Variants in ADIPOR2 observed in about 807,000 individuals in gnomAD.
ADIPOR2 encodes adiponectin receptor 2, also known as adiponectin receptor protein 2.
ADIPOR2 carries 18 observed loss-of-function variants against 40.9 expected under a neutral mutation model. The observed-to-expected ratio is 0.44, with a 90% CI of 0.30 to 0.65. The LOEUF (loss-of-function observed/expected upper bound fraction) is 0.65, where lower values mean the gene tolerates loss of function less well. Ranked by LOEUF, ADIPOR2 falls within the 30% of genes least tolerant of loss-of-function variation. The probability of loss-of-function intolerance (pLI) is 0.09; values close to 1 mark genes in which losing one functional copy is unlikely to be tolerated. For synonymous variants in ADIPOR2, 165 were observed against 166.4 expected (o/e 0.99, Z 0.06); for missense variants, 283 against 479.2 (o/e 0.59, Z 3.82).
chr12:1,716,520 T>C (rs922981708), intron 1 of ADIPOR2, among the ~76,000 whole-genome samples: 1 of 152,240 alleles, frequency 6.6e-6, no homozygotes, highest in South Asian at 2.1e-4. Flanking sequence ...AAAAGGCTAG[T>C]GAATAAAAAA....
At chr12:1,780,332 T>A in intron 4 of ADIPOR2, 119 bp from the exon 5 acceptor site, 1 of 1,099,150 alleles carries the variant, frequency 9.1e-7, no homozygotes, top group Non-Finnish European at 1.2e-6. Flanking sequence ...AAGATTTTTC[T>A]CATTGAACTT....
chr12:1,783,926 C>G lies in ADIPOR2; in HGVS notation c.885C>G (p.His295Gln). Residue 295 changes from histidine to glutamine, a missense_variant, in exon 7 of 8, where the codon CAC (histidine) becomes CAG (glutamine). Physicochemically the swap from His to Gln is conservative, Grantham distance 24. Coordinates refer to ENST00000357103, the MANE Select transcript of ADIPOR2 (RefSeq NM_024551.3). ...LGLSGIIPTL[H>Q]YVISEGFLKA... is the part of the protein sequence containing the mutation. ...TGAGTGGAATCATTCCTACCTTGCA[C>G]TATGTCATCTCGGAGGGGTTCCTTA... The G allele has an allele frequency of 6.2e-7, 1 of 1,613,496 alleles. No individual in the cohort carries two copies. Among genetic ancestry groups the G allele is most frequent in the Non-Finnish European group, 8.5e-7 (1 of 1,179,664 alleles).
intron 2 of ADIPOR2, among the ~76,000 whole-genome samples, chr12:1,765,106 A>G (rs747180296): frequency 2.2e-4 from 33 of 152,306 alleles, no homozygotes; most frequent in Non-Finnish European, 4.4e-4. Flanking sequence ...TTAAACATCA[A>G]AAATATTTAA....
chr12:1,703,494 G>A (rs975417715), intron 1 of ADIPOR2, among the ~76,000 whole-genome samples: 2 of 152,074 alleles, frequency 1.3e-5, no homozygotes, highest in African/African-American at 4.8e-5. Flanking sequence ...TCAGTACTTT[G>A]GGAAGCTGAG....
At chr12:1,710,004 G>A (rs570413571) in intron 1 of ADIPOR2, among the ~76,000 whole-genome samples, 31 of 152,248 alleles carry the variant, frequency 2.0e-4, no homozygotes, top group Non-Finnish European at 3.7e-4. Flanking sequence ...TTCTCACACA[G>A]TTTTCTGTTG....
At chr12:1,699,667 A>G (rs965246848) in intron 1 of ADIPOR2, among the ~76,000 whole-genome samples, 3 of 152,114 alleles carry the variant, frequency 2.0e-5, no homozygotes, top group Non-Finnish European at 2.9e-5. Flanking sequence ...GAAAAGAAAA[A>G]CTTCATTATA....
At chr12:1,704,135 C>T (rs2094657118) in intron 1 of ADIPOR2, among the ~76,000 whole-genome samples, 1 of 139,974 alleles carries the variant, frequency 7.1e-6, no homozygotes, top group African/African-American at 2.6e-5. Flanking sequence ...ACCCAATAAC[C>T]ATATTACTGT....
intron 1 of ADIPOR2, among the ~76,000 whole-genome samples, chr12:1,720,892 C>T (rs1214214408): frequency 2.0e-5 from 3 of 152,216 alleles, no homozygotes; most frequent in Admixed American, 6.5e-5. Flanking sequence ...TCAAAATCAT[C>T]CCTCTGCTCA....
At chr12:1,781,842 C>T (rs981093389) in intron 6 of ADIPOR2, among the ~76,000 whole-genome samples, 1 of 152,212 alleles carries the variant, frequency 6.6e-6, no homozygotes, top group Non-Finnish European at 1.5e-5. Flanking sequence ...ACAGAAGTAA[C>T]CTCATGTCAG....
chr12:1,743,239 A>AAAC (rs1473319557), intron 1 of ADIPOR2, among the ~76,000 whole-genome samples: 3 of 132,024 alleles, frequency 2.3e-5, no homozygotes, highest in African/African-American at 7.8e-5. Context: ...CAAAAAAAAA[A>AAAC]AAAAAAACAA....
intron 1 of ADIPOR2, among the ~76,000 whole-genome samples, chr12:1,691,740 C>T (rs1363533495): frequency 6.6e-6 from 1 of 152,070 alleles, no homozygotes; most frequent in Non-Finnish European, 1.5e-5. Flanking sequence ...TTTCCCAAGC[C>T]CCCGTCCGTC....
rs555611570 is a variant in ADIPOR2, at chr12:1,763,007, T to C, written c.171+8493T>C. ...CCCTGTGATAGGTGATAGTGATCCA[T>C]TGTAGTTGTGGAATTGGCTCTCAAG... On this transcript the variant is annotated intron_variant, in intron 2 of 7. Coordinates refer to ENST00000357103, the MANE Select transcript of ADIPOR2 (RefSeq NM_024551.3). 1.8e-3 allele frequency among the ~76,000 whole-genome samples: 278 copies of C among 152,316 alleles called. 3 individuals are homozygous for C. The highest frequency in any genetic ancestry group is 6.2e-3 in the African/African-American group (259 of 41,568).
intron 1 of ADIPOR2, among the ~76,000 whole-genome samples, chr12:1,748,522 A>T (rs575729346): frequency 6.6e-6 from 1 of 152,120 alleles, no homozygotes; most frequent in Admixed American, 6.5e-5. Context: ...TGCTGGGATT[A>T]CAGGCGTGAG....
In ADIPOR2 at chr12:1,772,831, T is replaced by A. The variant is rs1048143123; in HGVS notation, c.172-11T>A. ...TCTCTGTCCTTGACTGTTTCTGTGA[T>A]TGCCTTGCAGAGCTCTGAGGAACAT... is the stretch of plus-strand genomic sequence containing the variant. On this transcript the variant is annotated splice_polypyrimidine_tract_variant and intron_variant, in intron 2 of 7. Transcript: ENST00000357103. The A allele has an allele frequency of 3.8e-6, 6 of 1,599,940 alleles. No individual in the cohort carries two copies. In the African/African-American group the frequency reaches 8.1e-5, roughly 21 times the overall value.
At chr12:1,783,306 G>A (rs938755936) in intron 6 of ADIPOR2, among the ~76,000 whole-genome samples, 21 of 151,908 alleles carry the variant, frequency 1.4e-4, no homozygotes, top group Admixed American at 1.3e-3. Context: ...AACTCCTGGA[G>A]CTGTCCTTTC....
At chr12:1,708,076 TAAA>T (rs1157614783) in intron 1 of ADIPOR2, among the ~76,000 whole-genome samples, 2 of 151,574 alleles carry the variant, frequency 1.3e-5, no homozygotes, top group African/African-American at 4.8e-5. Context: ...ATAATACAAA[TAAA>T]AAATACAGTA....
chr12:1,751,832 A>G (rs754808133), intron 1 of ADIPOR2, among the ~76,000 whole-genome samples: 49 of 150,968 alleles, frequency 3.2e-4, no homozygotes, highest in Admixed American at 6.6e-4. Context: ...GCGTGCGTTT[A>G]TAGTCTCATA....
At chr12:1,726,080 T>G (rs1331771493) in intron 1 of ADIPOR2, among the ~76,000 whole-genome samples, 2 of 152,224 alleles carry the variant, frequency 1.3e-5, no homozygotes, top group African/African-American at 2.4e-5. Flanking sequence ...TTTAACAATT[T>G]CTTCAGGCAG....
At chr12:1,755,402 A>G (rs188193348) in intron 2 of ADIPOR2, among the ~76,000 whole-genome samples, 6 of 152,288 alleles carry the variant, frequency 3.9e-5, no homozygotes, top group Admixed American at 2.6e-4. Flanking sequence ...AGCGTACTTA[A>G]CCTGCTTTAT....
Sources: gnomAD v4.1 joint callset for allele counts (sites outside exome capture counted in the v4.1 genomes callset) on GRCh38, gnomAD v4.1.1 for gene constraint, MANE v1.5 for transcripts, NCBI Gene and HGNC (gene_info 2026-07-23, HGNC 2026-07-21) for gene names.